PTPRG: variants seen among roughly 807,000 people sequenced by gnomAD.
The protein encoded by PTPRG is protein tyrosine phosphatase receptor type G.
PTPRG carries 102 observed loss-of-function variants against 165.3 expected under a neutral mutation model. The observed-to-expected ratio is 0.62, with a 90% CI of 0.53 to 0.73. The LOEUF is 0.73. Among genes scored for constraint, PTPRG ranks in the 30% least tolerant of loss-of-function variants. The pLI is 0.00. For missense variants in PTPRG, 1,866 were observed against 1,861.4 expected (o/e 1.00, Z -0.05); for synonymous variants, 675 against 669.5 (o/e 1.01, Z -0.13).
intron 7 of PTPRG, 37 bp downstream of exon 7, chr3:62,157,261 C>T (rs746735067): frequency 6.2e-7 from 1 of 1,601,724 alleles, no homozygotes; most frequent in Non-Finnish European, 8.5e-7. Flanking sequence ...TCTGTGTTTA[C>T]TTGTTTTGTA....
chr3:62,211,709 G>C (rs1576140288), intron 12 of PTPRG, among the ~76,000 whole-genome samples: 1 of 152,144 alleles, frequency 6.6e-6, no homozygotes, highest in Non-Finnish European at 1.5e-5. Flanking sequence ...CCTGATAGAG[G>C]CCTCTTGGAT....
At chr3:62,184,823 G>T (rs1576108448) in intron 8 of PTPRG, among the ~76,000 whole-genome samples, 1 of 152,256 alleles carries the variant, frequency 6.6e-6, no homozygotes, top group Non-Finnish European at 1.5e-5. Context: ...GTTTGTTTGA[G>T]TAGTAGTACT....
intron 1 of PTPRG, among the ~76,000 whole-genome samples, chr3:61,656,733 A>G (rs1702519487): frequency 6.6e-6 from 1 of 152,168 alleles, no homozygotes; most frequent in Non-Finnish European, 1.5e-5. Flanking sequence ...TTGTAGATTG[A>G]AGATATTTTC....
At chr3:61,818,303 C>T (rs1480722079) in intron 2 of PTPRG, among the ~76,000 whole-genome samples, 4 of 151,934 alleles carry the variant, frequency 2.6e-5, no homozygotes, top group South Asian at 2.1e-4. Flanking sequence ...TATGAAAGAA[C>T]GTTATACATT....
intron 6 of PTPRG, among the ~76,000 whole-genome samples, chr3:62,135,417 C>A (rs539069589): frequency 4.0e-4 from 61 of 152,262 alleles, no homozygotes; most frequent in African/African-American, 1.4e-3. Flanking sequence ...GGCTTGGGAA[C>A]AATGACAGAG....
At chr3:61,805,769 A>G (rs1353613397) in intron 2 of PTPRG, among the ~76,000 whole-genome samples, 2 of 152,186 alleles carry the variant, frequency 1.3e-5, no homozygotes, top group African/African-American at 2.4e-5. Context: ...GAAGGACAGA[A>G]GGGAGATTTC....
At chr3:62,290,442 G>T (rs1259462638) in intron 28 of PTPRG, among the ~76,000 whole-genome samples, 1 of 152,130 alleles carries the variant, frequency 6.6e-6, no homozygotes, top group African/African-American at 2.4e-5. Flanking sequence ...AGTAAAAAAT[G>T]AAAATTATAT....
Position 62,273,790 on chromosome 3 carries a change from C to A in PTPRG, c.3411C>A (p.Asn1137Lys). ...VSSNQLHSYV[N>K]SILIPGVGGK... is the part of the protein sequence containing the mutation. ...CAAATCAGCTGCACAGCTATGTTAA[C>A]AGCATCCTTATACCAGGAGTAGGAG... The change falls in exon 23 of 30, where the codon AAC (asparagine) becomes AAA (lysine). Residue 1137 changes from asparagine to lysine, a missense_variant. This residue lies in a region of PTPRG where 1,452 missense variants were observed against 1,463.0 expected (regional missense o/e 0.99). Transcript: ENST00000474889. This position sits in a 1 kb window ranked among gnomAD's most constrained non-coding sequence, Gnocchi z 4.1. 1 of 1,613,814 alleles carries A rather than the reference C, an allele frequency of 6.2e-7. No individual in the cohort carries two copies. Among genetic ancestry groups the A allele is most frequent in the Non-Finnish European group, 8.5e-7 (1 of 1,179,802 alleles).
At chr3:61,695,712 C>T (rs2030536038) in intron 1 of PTPRG, among the ~76,000 whole-genome samples, 1 of 152,188 alleles carries the variant, frequency 6.6e-6, no homozygotes, top group Admixed American at 6.5e-5. Flanking sequence ...ATGAGTTCTA[C>T]AGCTAGTATG....
At chr3:61,676,018 C>T (rs1245158917) in intron 1 of PTPRG, among the ~76,000 whole-genome samples, 1 of 152,104 alleles carries the variant, frequency 6.6e-6, no homozygotes, top group Non-Finnish European at 1.5e-5. Context: ...TTTGTCCAGT[C>T]ATTTATTTAA....
Position 62,252,735 on chromosome 3 carries a change from T to C in PTPRG, c.2468-2389T>C, listed in dbSNP as rs1701450598. ...ATTAGAATAATTAGTCATAGCCTTATATTCATCTCAGTATAAAGAAAAGAG... is the reference window on the plus strand; with the variant it reads ...ATTAGAATAATTAGTCATAGCCTTACATTCATCTCAGTATAAAGAAAAGAG... On this transcript the variant is annotated intron_variant, in intron 15 of 29. Coordinates refer to ENST00000474889, the MANE Select transcript of PTPRG (RefSeq NM_002841.4). The surrounding 1 kb of genome is among the most constrained non-coding windows in gnomAD (Gnocchi z 4.6). Among the ~76,000 whole-genome samples the C allele has an allele frequency of 6.6e-6, 1 of 152,240 alleles. No individual in the cohort carries two copies. The highest frequency in any genetic ancestry group is 2.4e-5 in the African/African-American group (1 of 41,468).
At chr3:62,182,212 G>T (rs897241667) in intron 8 of PTPRG, among the ~76,000 whole-genome samples, 14 of 152,126 alleles carry the variant, frequency 9.2e-5, no homozygotes, top group African/African-American at 3.4e-4. Flanking sequence ...CCTGTCTCAG[G>T]GGTGGAAATT....
chr3:62,019,452 G>T (rs1239367046), intron 4 of PTPRG, among the ~76,000 whole-genome samples: 1 of 151,568 alleles, frequency 6.6e-6, no homozygotes, highest in African/African-American at 2.4e-5. Flanking sequence ...GAACTCAGGG[G>T]GTGGAGGTTG....
At chr3:62,216,221 A>AG (rs1055461695) in intron 12 of PTPRG, among the ~76,000 whole-genome samples, 2 of 151,568 alleles carry the variant, frequency 1.3e-5, no homozygotes, top group South Asian at 2.1e-4. Context: ...CAAAAAAGAA[A>AG]AAAAAAAAAA....
At chr3:62,272,824 G>T in intron 21 of PTPRG, 122 bp from the exon 22 acceptor site, 1 of 1,159,904 alleles carries the variant, frequency 8.6e-7, no homozygotes. Flanking sequence ...GCAACAGAGT[G>T]AAACTCCATC....
At chr3:62,192,232 A>T (rs918495600) in intron 9 of PTPRG, among the ~76,000 whole-genome samples, 2 of 151,850 alleles carry the variant, frequency 1.3e-5, no homozygotes, top group African/African-American at 4.8e-5. Context: ...CAGATACTCA[A>T]ATGCTATACT....
rs923935574 is a variant in PTPRG, at chr3:61,963,874, TA to T, written c.191-25741del. Among the ~76,000 whole-genome samples, 39 of 149,730 alleles carry T rather than the reference TA, an allele frequency of 2.6e-4. 1 individual carries two copies. The highest frequency in any genetic ancestry group is 1.3e-3 in the Admixed American group (20 of 15,032). On this transcript the variant is annotated intron_variant, in intron 2 of 29. Transcript: ENST00000474889. ...TTGAAAATATGTGCAATATATATTTTAAAAAAAAAAGACCTCAGAAGGCAAG... is the reference window on the plus strand; with the variant it reads ...TTGAAAATATGTGCAATATATATTTTAAAAAAAAAGACCTCAGAAGGCAAG...
intron 2 of PTPRG, among the ~76,000 whole-genome samples, chr3:61,892,543 G>A (rs1225053912): frequency 2.6e-5 from 4 of 152,128 alleles, no homozygotes; most frequent in South Asian, 2.1e-4. Context: ...TGGGTCAGGC[G>A]CGGTGGCTCA....
chr3:61,566,294 G>A (rs1433184588), intron 1 of PTPRG, among the ~76,000 whole-genome samples: 1 of 152,246 alleles, frequency 6.6e-6, no homozygotes, highest in Non-Finnish European at 1.5e-5. Flanking sequence ...GCGATCCAGC[G>A]AATGCTGATG....
Sources: gnomAD v4.1 joint callset for allele counts (sites outside exome capture counted in the v4.1 genomes callset) on GRCh38, gnomAD v4.1.1 for gene constraint, gnomAD v4.1.1 regional missense constraint, Gnocchi (gnomAD v3.1) non-coding constraint, MANE v1.5 for transcripts, NCBI Gene and HGNC (gene_info 2026-07-23, HGNC 2026-07-21) for gene names.